The following ENOX1 variants were observed in gnomAD, a reference collection of about 807,000 sequenced individuals.
ENOX1 encodes ecto-NOX disulfide-thiol exchanger 1.
A neutral mutation model predicts 82.5 loss-of-function variants in ENOX1; 42 were observed. That is an observed-to-expected ratio of 0.51 (90% CI 0.40 to 0.66). The LOEUF is 0.66. Ranked by LOEUF, ENOX1 falls within the 30% of genes least tolerant of loss-of-function variation. The pLI is 0.00. For synonymous variants in ENOX1, 271 were observed against 282.2 expected, an observed-to-expected ratio of 0.96 and a Z score of 0.40; for missense variants, 608 against 811.6, an observed-to-expected ratio of 0.75 and a Z score of 3.05.
intron 2 of ENOX1, among the ~76,000 whole-genome samples, chr13:43,526,323 ATTAAAACCTCC>A (rs2077989776): frequency 1.8e-4 from 27 of 152,134 alleles, no homozygotes; most frequent in Admixed American, 1.8e-3. Flanking sequence ...TCATCCTTTA[ATTAAAACCTCC>A]ACATCTTCCA....
At chr13:43,310,047 C>A (rs112343781) in intron 11 of ENOX1, among the ~76,000 whole-genome samples, 2 of 151,708 alleles carry the variant, frequency 1.3e-5, no homozygotes, top group African/African-American at 4.8e-5. Flanking sequence ...ACTAAAAATA[C>A]AAAAAATTAG....
At chr13:43,356,864 C>T (rs2050192310) in intron 7 of ENOX1, among the ~76,000 whole-genome samples, 1 of 152,096 alleles carries the variant, frequency 6.6e-6, no homozygotes, top group East Asian at 1.9e-4. Context: ...TGGTATGCAG[C>T]ACCACACAAA....
chr13:43,571,433 C>A (rs964449156), intron 2 of ENOX1, among the ~76,000 whole-genome samples: 1 of 151,850 alleles, frequency 6.6e-6, no homozygotes, highest in Non-Finnish European at 1.5e-5. Flanking sequence ...AATCCCAGCA[C>A]TTTGGGAGGC....
intron 2 of ENOX1, among the ~76,000 whole-genome samples, chr13:43,508,710 A>C (rs144981097): frequency 6.6e-6 from 1 of 152,148 alleles, no homozygotes; most frequent in East Asian, 1.9e-4. Context: ...TTGAAATTTT[A>C]TAAATCAAGA....
chr13:43,349,732 A>C (rs2049646004), intron 8 of ENOX1, among the ~76,000 whole-genome samples: 1 of 152,256 alleles, frequency 6.6e-6, no homozygotes, highest in Non-Finnish European at 1.5e-5. Context: ...GAAAGGACTC[A>C]GTGAAGGCCA....
rs1237067760 is a variant in ENOX1 at position 43,470,291 on chromosome 13, TATAC to T, written c.-75+13714_-75+13717del. Among the ~76,000 whole-genome samples, 10 of 63,058 alleles carry T rather than the reference TATAC, an allele frequency of 1.6e-4. 1 individual carries two copies. Among genetic ancestry groups the T allele is most frequent in the African/African-American group, 5.1e-4 (9 of 17,694 alleles). 41.4% of individuals were successfully genotyped at this position (63,058 alleles called of 152,430 possible). On this transcript the variant is annotated intron_variant, in intron 3 of 16. Transcript: ENST00000690772. ...ATATACACATATATATACATATATA[TATAC>T]ACATATATATACATATATATACACA...
At chr13:43,306,837 GCACA>G (rs10536023) in intron 11 of ENOX1, among the ~76,000 whole-genome samples, 2 of 152,042 alleles carry the variant, frequency 1.3e-5, no homozygotes, top group African/African-American at 4.8e-5. Context: ...ACACACACAC[GCACA>G]CACACAGTTA....
At chr13:43,716,727 T>C (rs149761377) in intron 1 of ENOX1, among the ~76,000 whole-genome samples, 19 of 151,482 alleles carry the variant, frequency 1.3e-4, no homozygotes, top group African/African-American at 4.1e-4. Context: ...AGCAGTCCTA[T>C]ACAGCTATAA....
chr13:43,451,755 G>C (rs746586784), intron 3 of ENOX1, among the ~76,000 whole-genome samples: 5 of 152,136 alleles, frequency 3.3e-5, no homozygotes, highest in Non-Finnish European at 5.9e-5. Flanking sequence ...TTGCAGTACT[G>C]TTTCTATGCA....
At chr13:43,500,994 A>C (rs1052750850) in intron 2 of ENOX1, among the ~76,000 whole-genome samples, 3 of 151,876 alleles carry the variant, frequency 2.0e-5, no homozygotes, top group Non-Finnish European at 4.4e-5. Flanking sequence ...AAGGAAGAGG[A>C]ACAAAAGAAC....
At chr13:43,519,305 T>A (rs2077672552) in intron 2 of ENOX1, among the ~76,000 whole-genome samples, 1 of 152,172 alleles carries the variant, frequency 6.6e-6, no homozygotes, top group Admixed American at 6.6e-5. Context: ...CCATCAACCT[T>A]ATATGCCAGC....
intron 10 of ENOX1, among the ~76,000 whole-genome samples, chr13:43,323,698 T>TA (rs1489919500): frequency 6.6e-6 from 1 of 152,152 alleles, no homozygotes; most frequent in Non-Finnish European, 1.5e-5. Context: ...AAAAATCAAA[T>TA]AGTTAAAATA....
chr13:43,637,743 A>C (rs2083467448), intron 2 of ENOX1, among the ~76,000 whole-genome samples: 1 of 152,072 alleles, frequency 6.6e-6, no homozygotes, highest in Admixed American at 6.6e-5. Flanking sequence ...TGCCTCCCCC[A>C]CTATTAAAAA....
intron 2 of ENOX1, among the ~76,000 whole-genome samples, chr13:43,606,569 T>C (rs1012115355): frequency 1.3e-5 from 2 of 152,190 alleles, no homozygotes; most frequent in African/African-American, 4.8e-5. Context: ...CTCATGTTCT[T>C]ACTTATTTGT....
chr13:43,377,662 G>C (rs2051736430), intron 5 of ENOX1, among the ~76,000 whole-genome samples: 1 of 152,218 alleles, frequency 6.6e-6, no homozygotes, highest in Non-Finnish European at 1.5e-5. Context: ...GCCAGGCAAG[G>C]TGCTAGGCAT....
At chr13:43,519,553 T>C (rs1009253593) in intron 2 of ENOX1, among the ~76,000 whole-genome samples, 17 of 152,098 alleles carry the variant, frequency 1.1e-4, no homozygotes, top group African/African-American at 3.6e-4. Context: ...TAGCTAGCTC[T>C]GAGGATGTGG....
In ENOX1 at chr13:43,429,220, T is replaced by C. The variant is rs146076646; in HGVS notation, c.-74-16232A>G. Among the ~76,000 whole-genome samples, 50 of 152,268 alleles carry C rather than the reference T, an allele frequency of 3.3e-4. 1 individual carries two copies. In the East Asian group the frequency reaches 9.1e-3, roughly 28 times the overall value. On this transcript the variant is annotated intron_variant, in intron 3 of 16. Coordinates refer to ENST00000690772, the MANE Select transcript of ENOX1 (RefSeq NM_001347969.2). ...TGGAGAGGCTAACGTATAATGCCTT[T>C]TGGAGGAGCTGAAAGGAATAAAACA...
At chr13:43,374,443 A>G (rs768061127) in intron 5 of ENOX1, among the ~76,000 whole-genome samples, 20 of 151,734 alleles carry the variant, frequency 1.3e-4, no homozygotes, top group Non-Finnish European at 2.2e-4. Context: ...ATGGGGTTTC[A>G]CCATGTTGCC....
In ENOX1 at chr13:43,650,559, C is replaced by T. The variant is rs888778021; in HGVS notation, c.-219+16920G>A. Among the ~76,000 whole-genome samples, 6 of 152,226 alleles carry T rather than the reference C, an allele frequency of 3.9e-5. No homozygotes were observed. The South Asian group carries it at 6.2e-4, about 16-fold the overall frequency. On this transcript the variant is annotated intron_variant, in intron 2 of 16. Coordinates refer to ENST00000690772, the MANE Select transcript of ENOX1 (RefSeq NM_001347969.2). Reference sequence around the variant, plus strand: ...GGACTTTCAAACCCAGGAGCTTGGCCGCGCATGGTGGCCTCACTCCTGTAA... The same window carrying T: ...GGACTTTCAAACCCAGGAGCTTGGCTGCGCATGGTGGCCTCACTCCTGTAA...
Sources: allele counts gnomAD v4.1 joint callset (sites outside exome capture counted in the v4.1 genomes callset), GRCh38; gene constraint gnomAD v4.1.1; transcripts MANE v1.5; gene names NCBI Gene and HGNC (gene_info 2026-07-23, HGNC 2026-07-21).